The following COL1A1 variants were observed in gnomAD, a reference collection of about 807,000 sequenced individuals.
COL1A1 encodes collagen alpha-1(I) chain.
COL1A1 carries 21 observed loss-of-function variants against 195.7 expected under a neutral mutation model. The observed-to-expected ratio is 0.11, with a 90% confidence interval of 0.08 to 0.15. The LOEUF (loss-of-function observed/expected upper bound fraction) is 0.15, where lower values mean the gene tolerates loss of function less well. COL1A1 is among the 10% of genes least tolerant of loss of function. The pLI is 1.00. For missense variants in COL1A1, 1,365 were observed against 2,051.0 expected, an observed-to-expected ratio of 0.67 and a Z score of 6.46; for synonymous variants, 749 against 747.3, an observed-to-expected ratio of 1.00 and a Z score of -0.04.
intron 11 of COL1A1, 84 bp downstream of exon 11, chr17:50,196,926 T>C: frequency 6.7e-7 from 1 of 1,499,794 alleles, no homozygotes; most frequent in South Asian, 1.1e-5. Context: ...ATGATGCAAC[T>C]CAGTATCTTT....
chr17:50,194,442 G>C lies in COL1A1; in HGVS notation c.1521C>G (p.Pro507=). 1 of 1,613,824 alleles carries C rather than the reference G, an allele frequency of 6.2e-7. No individual in the cohort carries two copies. The highest frequency in any genetic ancestry group is 1.1e-5 in the South Asian group (1 of 91,064). The change falls in exon 23 of 51, where the codon CCC becomes CCG. Residue 507 remains proline, a synonymous_variant. Coordinates refer to ENST00000225964, the MANE Select transcript of COL1A1 (RefSeq NM_000088.4). This position sits in a 1 kb window ranked among gnomAD's most constrained non-coding sequence, Gnocchi z 6.8. The stretch of plus-strand genomic sequence containing the variant: ...GGCCAGGAGAACCACGTTCACCAGC[G>C]GGACCCTGGTTGGGGGAAGTCACAG... ...GADGVAGPKG[P]AGERGSPGPA... is the part of the protein sequence containing the mutation.
rs781258296 is a variant in COL1A1, at chr17:50,199,964, A to G, written c.104-17T>C. 6.2e-7 allele frequency: 1 copy of G among 1,613,826 alleles called. No individual in the cohort carries two copies. Among genetic ancestry groups the G allele is most frequent in the Non-Finnish European group, 8.5e-7 (1 of 1,179,908 alleles). On this transcript the variant is annotated splice_polypyrimidine_tract_variant and intron_variant, in intron 1 of 50. Transcript: ENST00000225964. Reference sequence around the variant, plus strand: ...TTGGTGGGACTGGGACAGGCGGAAGAGGGGCGTTGTCAGTAGTGACTGCAA... The same window carrying G: ...TTGGTGGGACTGGGACAGGCGGAAGGGGGGCGTTGTCAGTAGTGACTGCAA...
In COL1A1 at chr17:50,188,686, G is replaced by A; in HGVS notation, c.3100-49C>T. 1 of 1,613,328 alleles carries A rather than the reference G, an allele frequency of 6.2e-7. No homozygotes were observed. Among genetic ancestry groups the A allele is most frequent in the Non-Finnish European group, 8.5e-7 (1 of 1,179,316 alleles). On this transcript the variant is annotated intron_variant, in intron 42 of 50. Transcript: ENST00000225964. The surrounding 1 kb of genome is among the most constrained non-coding windows in gnomAD (Gnocchi z 5.6). The stretch of plus-strand genomic sequence containing the variant: ...TGGGTCAGCCCCGGGTGAAGGGCCA[G>A]GATGGGGCAGGGAAGCAGCAGACAA...
Position 50,199,322 on chromosome 17 carries a change from G to C in COL1A1, c.375C>G (p.Pro125=). The C allele has an allele frequency of 6.4e-7, 1 of 1,558,840 alleles. No individual in the cohort carries two copies. Among genetic ancestry groups the C allele is most frequent in the Non-Finnish European group, 8.7e-7 (1 of 1,150,892 alleles). The change falls in exon 5 of 51, where the codon CCC becomes CCG. Residue 125 remains proline, a synonymous_variant. Coordinates refer to ENST00000225964, the MANE Select transcript of COL1A1 (RefSeq NM_000088.4). ...GDTGPRGPRG[P]AGPPGRDGIP... is the part of the protein sequence containing the mutation. ...TGCCATCTCGGCCAGGGGGGCCTGCGGGTCCCTGCAGGGGGAGAGGGCGGG... is the reference window on the plus strand; with the variant it reads ...TGCCATCTCGGCCAGGGGGGCCTGCCGGTCCCTGCAGGGGGAGAGGGCGGG...
chr17:50,191,267 GGA>G, intron 32 of COL1A1, 114 bp downstream of exon 32: 1 of 1,020,810 alleles, frequency 9.8e-7, no homozygotes, highest in Non-Finnish European at 1.6e-6. Flanking sequence ...GGGGAAGAAG[GGA>G]GGATTAGCGA....
chr17:50,199,753 C>G lies in COL1A1; in HGVS notation c.298G>C (p.Glu100Gln). 6.2e-7 allele frequency: 1 copy of G among 1,611,930 alleles called. No homozygotes were observed. The highest frequency in any genetic ancestry group is 8.5e-7 in the Non-Finnish European group (1 of 1,179,660). ...CCCCAGGCCCCGAGCGCAGCCGCAC[C>G]TGAGCCGTCGGGGCAGACGGGACAG... Reference protein sequence around the residue: ...ECCPVCPDGSESPTDQETTGV... With the variant: ...ECCPVCPDGSQSPTDQETTGV... Residue 100 changes from glutamate to glutamine, a missense_variant and splice_region_variant, in exon 2 of 51, where the codon GAG becomes CAG. Around this residue, in one of 5 missense-constraint regions of COL1A1, gnomAD observed 194 missense variants for 221.7 expected, o/e 0.88. Transcript: ENST00000225964.
rs1397303713 is a variant in COL1A1 at position 50,189,890 on chromosome 17, G to C, written c.2582C>G (p.Ala861Gly). 1.9e-6 allele frequency: 3 copies of C among 1,612,158 alleles called. No individual in the cohort carries two copies. The Middle Eastern group carries it at 5.0e-4, about 266-fold the overall frequency. ...ACCAGCGCTGCCGCGAGCACCTTTG[G>C]CTCCAGGAGCACCAACATTACCCTG... ...GPIGNVGAPG[A>G]KGARGSAGPP... Residue 861 changes from alanine (A) to glycine (G), a missense_variant, in exon 37 of 51, where the codon GCC (alanine) becomes GGC (glycine). By Grantham distance (60) the Ala-to-Gly change is moderately conservative (BLOSUM62 0). This residue lies in a region of COL1A1 where 671 missense variants were observed against 1,099.9 expected (regional missense o/e 0.61). Transcript: ENST00000225964. This position sits in a 1 kb window ranked among gnomAD's most constrained non-coding sequence, Gnocchi z 5.5.
rs895430341 is a variant in COL1A1, at chr17:50,185,466, T to C, written c.*36A>G. ...GTTTCCGGGTTGGGGGGAAAGTTGG[T>C]TGGGTGGGAGGGAGCCAGGTTGGGA... On this transcript the variant is annotated 3_prime_UTR_variant, in exon 51 of 51. Transcript: ENST00000225964. 1 of 1,612,838 alleles carries C rather than the reference T, an allele frequency of 6.2e-7. No individual in the cohort carries two copies. Among genetic ancestry groups the C allele is most frequent in the Non-Finnish European group, 8.5e-7 (1 of 1,179,618 alleles).
At position 50,184,520 on chromosome 17, in the gene COL1A1, A is replaced by G. The variant is rs968040887; in HGVS notation, c.*982T>C. 4 of 231,026 alleles carry G rather than the reference A, an allele frequency of 1.7e-5. No homozygotes were observed. The highest frequency in any genetic ancestry group is 1.1e-4 in the Admixed American group (2 of 17,648). 14.3% of individuals were successfully genotyped at this position (231,026 alleles called of 1,614,324 possible). On this transcript the variant is annotated 3_prime_UTR_variant, in exon 51 of 51. Coordinates refer to ENST00000225964, the MANE Select transcript of COL1A1 (RefSeq NM_000088.4). ...GAAAAATATCAAGGAATAAAAATAG[A>G]CTTTGAACAAAAAGGAACATTTGCT...
chr17:50,201,451 G>C lies in COL1A1; in HGVS notation c.63C>G (p.His21Gln). Residue 21 changes from histidine (H) to glutamine (Q), a missense_variant, in exon 1 of 51, where the codon CAC becomes CAG. His to Gln is a conservative substitution (Grantham distance 24). This residue lies in a region of COL1A1 where 194 missense variants were observed against 221.7 expected (regional missense o/e 0.88). Coordinates refer to ENST00000225964, the MANE Select transcript of COL1A1 (RefSeq NM_000088.4). ...LLLAATALLTHGQEEGQVEGQ... is the reference protein window; with the variant it reads ...LLLAATALLTQGQEEGQVEGQ... ...CCTCGACTTGGCCTTCCTCTTGGCC[G>C]TGCGTCAGGAGGGCGGTGGCCGCTA... 1 of 1,613,620 alleles carries C rather than the reference G, an allele frequency of 6.2e-7. No homozygotes were observed.
rs1224222911 is a variant in COL1A1, at chr17:50,184,634, T to C, written c.*868A>G. The stretch of plus-strand genomic sequence containing the variant: ...TAGATGTAGCACCTTTGGTATAAAA[T>C]GGGGAGCCGCTTCCACCCTGCCCCC... On this transcript the variant is annotated 3_prime_UTR_variant, in exon 51 of 51. Coordinates refer to ENST00000225964, the MANE Select transcript of COL1A1 (RefSeq NM_000088.4). 7.4e-6 allele frequency: 1 copy of C among 134,538 alleles called. No homozygotes were observed. Among genetic ancestry groups the C allele is most frequent in the Non-Finnish European group, 1.6e-5 (1 of 63,642 alleles). The allele number at this position is 134,538 out of a possible 1,614,324, so 8.3% of individuals were successfully genotyped here.
chr17:50,189,789 A>G lies in COL1A1; in HGVS notation c.2614-57T>C. The G allele has an allele frequency of 6.2e-7, 1 of 1,612,192 alleles. No homozygotes were observed. The highest frequency in any genetic ancestry group is 8.5e-7 in the Non-Finnish European group (1 of 1,178,840). On this transcript the variant is annotated intron_variant, in intron 37 of 50. Coordinates refer to ENST00000225964, the MANE Select transcript of COL1A1 (RefSeq NM_000088.4). This position sits in a 1 kb window ranked among gnomAD's most constrained non-coding sequence, Gnocchi z 5.5. The stretch of plus-strand genomic sequence containing the variant: ...GGAGAACAGCCAACTCATCCGACCC[A>G]GCTGCCCTCACCTGCCACCGCTGCC...
In COL1A1 at chr17:50,186,377, G is replaced by A. The variant is rs766059440; in HGVS notation, c.3945C>T (p.Ser1315=). 14 of 1,614,078 alleles carry A rather than the reference G, an allele frequency of 8.7e-6. No homozygotes were observed. The highest frequency in any genetic ancestry group is 1.7e-5 in the Admixed American group (1 of 60,002). Residue 1315 remains serine, a synonymous_variant, in exon 49 of 51, where the codon AGC becomes AGT. Coordinates refer to ENST00000225964, the MANE Select transcript of COL1A1 (RefSeq NM_000088.4). This position sits in a 1 kb window ranked among gnomAD's most constrained non-coding sequence, Gnocchi z 5.3. ...PSVAQKNWYI[S]KNPKDKRHVW... ...CATGCCTCTTGTCCTTGGGGTTCTTGCTGATGTACCAGTTCTTCTGGGCCA... is the reference window on the plus strand; with the variant it reads ...CATGCCTCTTGTCCTTGGGGTTCTTACTGATGTACCAGTTCTTCTGGGCCA...
In COL1A1 at chr17:50,191,312, T is replaced by C; in HGVS notation, c.2235+71A>G. ...GACAGATCCCAGAGAGAAGGAGAGA[T>C]GCTGAGAGATTCAAAGCAGGCAGAG... is the stretch of plus-strand genomic sequence containing the variant. On this transcript the variant is annotated intron_variant, in intron 32 of 50. Coordinates refer to ENST00000225964, the MANE Select transcript of COL1A1 (RefSeq NM_000088.4). 3.8e-6 allele frequency: 5 copies of C among 1,318,254 alleles called. No individual in the cohort carries two copies. The South Asian group carries it at 5.9e-5, about 15-fold the overall frequency. The allele number at this position is 1,318,254 out of a possible 1,614,324, so 81.7% of individuals were successfully genotyped here. A position where few individuals can be genotyped will look rare whatever the true frequency, so the allele number is the denominator to read the frequency against.
At chr17:50,193,727 C>G (rs112674044) in intron 25 of COL1A1, 2 of 574,100 alleles carry the variant, frequency 3.5e-6, no homozygotes, top group Non-Finnish European at 6.4e-6. Flanking sequence ...ATGGTCTGCC[C>G]GCCTTGGCCT....
In COL1A1 at chr17:50,185,838, G is replaced by C; in HGVS notation, c.4188C>G (p.Ile1396Met). ...GGCTGTTGCCCTCGGCGCGGATCTC[G>C]ATCTCGTTGGAGCCCTGGAGGAGCA... ...KALLLQGSNE[I>M]EIRAEGNSRF... Residue 1396 changes from isoleucine to methionine, a missense_variant, in exon 50 of 51, where the codon ATC becomes ATG. Around this residue, in one of 5 missense-constraint regions of COL1A1, gnomAD observed 273 missense variants for 338.6 expected, o/e 0.81. Transcript: ENST00000225964. The C allele has an allele frequency of 1.2e-6, 2 of 1,614,120 alleles. No individual in the cohort carries two copies. The highest frequency in any genetic ancestry group is 1.7e-6 in the Non-Finnish European group (2 of 1,180,030).
At chr17:50,198,226 G>A in intron 6 of COL1A1, 21 bp from the exon 7 acceptor site, 1 of 1,613,908 alleles carries the variant, frequency 6.2e-7, no homozygotes. Context: ...AGAAGAAAGG[G>A]GGGTCATGGT....
rs1263860713 is a variant in COL1A1 at position 50,191,990 on chromosome 17, G to A, written c.2018C>T (p.Ser673Phe). The A allele has an allele frequency of 1.9e-6, 3 of 1,612,386 alleles. No homozygotes were observed. Among genetic ancestry groups the A allele is most frequent in the Non-Finnish European group, 2.5e-6 (3 of 1,179,448 alleles). ...GAGAGGCCTACTTACTCTTGCTCCA[G>A]AGGGGCCAGGGGCGCCAAGGTCTCC... ...VPGDLGAPGP[S>F]GARGERGFPG... The change falls in exon 30 of 51, where the codon TCT becomes TTT. Residue 673 changes from serine (S) to phenylalanine (F), a missense_variant. Ser to Phe is a radical substitution (Grantham distance 155, BLOSUM62 -2). Around this residue, in one of 5 missense-constraint regions of COL1A1, gnomAD observed 671 missense variants for 1,099.9 expected, o/e 0.61. Transcript: ENST00000225964.
At chr17:50,197,129 ATGAAGCCCAAGTGCAG>A (rs761520958) in intron 10 of COL1A1, 35 bp downstream of exon 10, 3 of 1,613,954 alleles carry the variant, frequency 1.9e-6, no homozygotes, top group Non-Finnish European at 1.7e-6. Context: ...CAGCTCCTAA[ATGAAGCCCAAGTGCAG>A]TGAAGCCCAG....
Sources: gnomAD v4.1 joint callset for allele counts on GRCh38, gnomAD v4.1.1 for gene constraint, gnomAD v4.1.1 regional missense constraint, Gnocchi (gnomAD v3.1) non-coding constraint, MANE v1.5 for transcripts, NCBI Gene and HGNC (gene_info 2026-07-23, HGNC 2026-07-21) for gene names.